PDE9A: variants seen among roughly 807,000 people sequenced by gnomAD.
PDE9A encodes the protein phosphodiesterase 9A.
In PDE9A, 60 loss-of-function variants were observed where a neutral mutation model predicts 87.4. That is an observed-to-expected ratio of 0.69 (90% confidence interval 0.56 to 0.85). The LOEUF (loss-of-function observed/expected upper bound fraction) is 0.85, where lower values mean the gene tolerates loss of function less well. Ranked by LOEUF, PDE9A falls within the 40% of genes least tolerant of loss-of-function variation. PDE9A has a pLI of 0.00. For missense variants in PDE9A, 665 were observed against 779.0 expected (o/e 0.85, Z 1.74); for synonymous variants, 272 against 279.4 (o/e 0.97, Z 0.27).
At chr21:42,712,102 T>C (rs1015124276) in intron 4 of PDE9A, among the ~76,000 whole-genome samples, 4 of 152,196 alleles carry the variant, frequency 2.6e-5, no homozygotes, top group African/African-American at 9.7e-5. Context: ...TTGATTACTA[T>C]TTTATTTACT....
At chr21:42,669,997 T>C (rs974475277) in intron 1 of PDE9A, among the ~76,000 whole-genome samples, 4 of 152,036 alleles carry the variant, frequency 2.6e-5, no homozygotes, top group African/African-American at 4.8e-5. Context: ...TGTGGGTGCT[T>C]CAACAGATGC....
At chr21:42,700,448 G>A (rs1372568309) in intron 4 of PDE9A, among the ~76,000 whole-genome samples, 3 of 152,162 alleles carry the variant, frequency 2.0e-5, no homozygotes, top group Non-Finnish European at 2.9e-5. Flanking sequence ...TTCCCTAAGA[G>A]TGGATATAAG....
At chr21:42,701,501 G>A (rs1358843148) in intron 4 of PDE9A, among the ~76,000 whole-genome samples, 2 of 151,680 alleles carry the variant, frequency 1.3e-5, no homozygotes, top group Admixed American at 6.6e-5. Context: ...CAGTGATGCG[G>A]TCATAGCTCA....
intron 16 of PDE9A, chr21:42,768,811 T>C: frequency 1.0e-6 from 1 of 985,456 alleles, no homozygotes; most frequent in Non-Finnish European, 1.2e-6. Context: ...CACCTCTGCC[T>C]ATCTCTCAGG....
At chr21:42,679,325 G>T (rs73905738) in intron 1 of PDE9A, among the ~76,000 whole-genome samples, 1 of 152,104 alleles carries the variant, frequency 6.6e-6, no homozygotes, top group Non-Finnish European at 1.5e-5. Context: ...CTCATCCCTC[G>T]CTCCGTCTCC....
At chr21:42,668,895 T>TCCCCCC (rs1229611821) in intron 1 of PDE9A, among the ~76,000 whole-genome samples, 68 of 99,496 alleles carry the variant, frequency 6.8e-4, no homozygotes, top group African/African-American at 2.7e-3. Flanking sequence ...AGCTGCTCCC[T>TCCCCCC]CCACCCCCCG....
At chr21:42,657,058 G>C (rs2057128966) in intron 1 of PDE9A, among the ~76,000 whole-genome samples, 1 of 152,244 alleles carries the variant, frequency 6.6e-6, no homozygotes, top group Non-Finnish European at 1.5e-5. Context: ...TGCAGGCTGG[G>C]TGGGCCAGCC....
At chr21:42,744,950 C>T (rs1032153302) in intron 8 of PDE9A, among the ~76,000 whole-genome samples, 24 of 152,344 alleles carry the variant, frequency 1.6e-4, no homozygotes, top group African/African-American at 5.3e-4. Context: ...CCAGCCCAGA[C>T]ACCACAGGCA....
At chr21:42,764,076 C>T (rs2056105525) in intron 14 of PDE9A, among the ~76,000 whole-genome samples, 1 of 152,228 alleles carries the variant, frequency 6.6e-6, no homozygotes, top group South Asian at 2.1e-4. Flanking sequence ...TGTGCTGTGC[C>T]AGCCACTGTG....
chr21:42,670,542 G>C (rs62650034), intron 1 of PDE9A, among the ~76,000 whole-genome samples: 1 of 150,432 alleles, frequency 6.6e-6, no homozygotes, highest in Non-Finnish European at 1.5e-5. Flanking sequence ...TCACACTCAC[G>C]TACACTTACC....
chr21:42,772,876 C>T (rs2057145462), intron 19 of PDE9A, among the ~76,000 whole-genome samples: 1 of 151,048 alleles, frequency 6.6e-6, no homozygotes, highest in African/African-American at 2.4e-5. Context: ...TCAGGTGATC[C>T]ACCCACCTCG....
In PDE9A at chr21:42,769,623, TGCACACACAG is replaced by T. The variant is rs1400246827; in HGVS notation, c.1590+480_1590+489del. ...ACACAAATGCACATGCAGGTACACA[TGCACACACAG>T]GCACACACAGGGACACACAGGCACA... On this transcript the variant is annotated intron_variant, in intron 17 of 19. Coordinates refer to ENST00000291539, the MANE Select transcript of PDE9A (RefSeq NM_002606.3). Among the ~76,000 whole-genome samples, 28 of 35,382 alleles carry T rather than the reference TGCACACACAG, an allele frequency of 7.9e-4. 1 individual carries two copies. Among genetic ancestry groups the T allele is most frequent in the Admixed American group, 5.2e-3 (18 of 3,488 alleles). 23.2% of individuals were successfully genotyped at this position (35,382 alleles called of 152,430 possible). A position where few individuals can be genotyped will look rare whatever the true frequency, so the allele number is the denominator to read the frequency against.
chr21:42,755,577 G>A (rs1015200329), intron 10 of PDE9A, among the ~76,000 whole-genome samples: 2 of 152,202 alleles, frequency 1.3e-5, no homozygotes, highest in Admixed American at 6.5e-5. Context: ...CTAGGTCAAC[G>A]CACAAAAGGA....
At chr21:42,770,182 C>T (rs2056901720) in intron 17 of PDE9A, among the ~76,000 whole-genome samples, 1 of 152,120 alleles carries the variant, frequency 6.6e-6, no homozygotes, top group Admixed American at 6.5e-5. Context: ...CCCCCAGGGC[C>T]TCTGAGCTGC....
chr21:42,731,897 C>T lies in PDE9A; in HGVS notation c.390C>T (p.Pro130=). 1 of 1,614,160 alleles carries T rather than the reference C, an allele frequency of 6.2e-7. No homozygotes were observed. Among genetic ancestry groups the T allele is most frequent in the Non-Finnish European group, 8.5e-7 (1 of 1,180,000 alleles). The part of the protein sequence containing the change: ...EGAFESGQVE[P]RPREPQGCYQ... ...CATTTGAAAGTGGACAGGTAGAGCCCAGGCCCAGAGAGCCCCAGGGCTGCT... is the reference window on the plus strand; with the variant it reads ...CATTTGAAAGTGGACAGGTAGAGCCTAGGCCCAGAGAGCCCCAGGGCTGCT... The change falls in exon 5 of 20, where the codon CCC becomes CCT. Residue 130 remains proline, a synonymous_variant. Coordinates refer to ENST00000291539, the MANE Select transcript of PDE9A (RefSeq NM_002606.3).
In PDE9A at chr21:42,726,387, T is replaced by C. The variant is rs548178887; in HGVS notation, c.263-5383T>C. On this transcript the variant is annotated intron_variant, in intron 4 of 19. Coordinates refer to ENST00000291539, the MANE Select transcript of PDE9A (RefSeq NM_002606.3). ...TGTCAAGTCTAAGAACTCCCCACCT[T>C]ACCGAAGACCCTGAAGATTTCTCCT... Among the ~76,000 whole-genome samples, 10 of 151,870 alleles carry C rather than the reference T, an allele frequency of 6.6e-5. No homozygotes were observed. In the South Asian group the frequency reaches 2.1e-3, roughly 32 times the overall value.
intron 2 of PDE9A, among the ~76,000 whole-genome samples, chr21:42,687,336 A>G (rs1037464732): frequency 1.3e-5 from 2 of 152,288 alleles, no homozygotes; most frequent in South Asian, 2.1e-4. Flanking sequence ...AAATAAATAT[A>G]TATACACAGT....
intron 18 of PDE9A, among the ~76,000 whole-genome samples, chr21:42,771,547 C>T (rs900298141): frequency 6.6e-6 from 1 of 152,238 alleles, no homozygotes; most frequent in African/African-American, 2.4e-5. Flanking sequence ...CTGCCACCCC[C>T]GCTCCCCACA....
intron 19 of PDE9A, 57 bp downstream of exon 19, chr21:42,772,577 A>G: frequency 8.3e-7 from 1 of 1,198,652 alleles, no homozygotes; most frequent in African/African-American, 1.5e-5. Context: ...CTGACAAAGG[A>G]CAGAAGGAAA....
Sources: allele counts gnomAD v4.1 joint callset (sites outside exome capture counted in the v4.1 genomes callset), GRCh38; gene constraint gnomAD v4.1.1; transcripts MANE v1.5; gene names NCBI Gene and HGNC (gene_info 2026-07-23, HGNC 2026-07-21).